ANKRD44: variants seen among roughly 807,000 people sequenced by gnomAD.
ANKRD44 encodes the protein ankyrin repeat domain 44, also known as serine/threonine-protein phosphatase 6 regulatory ankyrin repeat subunit B.
A neutral mutation model predicts 116.0 loss-of-function variants in ANKRD44; 35 were observed. The observed-to-expected ratio is 0.30, with a 90% CI of 0.23 to 0.40. The LOEUF is 0.40. Ranked by LOEUF, ANKRD44 falls within the 10% of genes least tolerant of loss-of-function variation. ANKRD44 has a pLI of 1.00. For missense variants in ANKRD44, 1,014 were observed against 1,242.6 expected (o/e 0.82, Z 2.77); for synonymous variants, 435 against 461.8 (o/e 0.94, Z 0.74).
chr2:197,223,442 G>GGA (rs2081629926), intron 1 of ANKRD44, among the ~76,000 whole-genome samples: 2 of 152,242 alleles, frequency 1.3e-5, no homozygotes. Context: ...ACATTATTAT[G>GGA]TTTTGGGGAT....
chr2:197,072,946 TA>T (rs559851202), intron 16 of ANKRD44, among the ~76,000 whole-genome samples: 93 of 152,328 alleles, frequency 6.1e-4, no homozygotes, highest in African/African-American at 2.1e-3. Context: ...GTTTAAAACA[TA>T]ACTTCATGTC....
intron 16 of ANKRD44, among the ~76,000 whole-genome samples, chr2:197,059,643 A>G (rs72924648): frequency 0.12 from 18,987 of 152,280 alleles, 1,420 homozygotes; most frequent in Non-Finnish European, 0.17. Context: ...ACACACATGT[A>G]TTCAGATATG....
At chr2:197,147,987 C>A (rs894572652) in intron 2 of ANKRD44, 6 of 377,918 alleles carry the variant, frequency 1.6e-5, no homozygotes, top group Non-Finnish European at 3.2e-5. Context: ...CAGCAGACTT[C>A]AGTCTGTATC....
At chr2:197,307,029 G>C (rs1206982676) in intron 1 of ANKRD44, among the ~76,000 whole-genome samples, 1 of 152,126 alleles carries the variant, frequency 6.6e-6, no homozygotes, top group Non-Finnish European at 1.5e-5. Context: ...TTCGGGTAGA[G>C]ATCCAGGCTG....
chr2:197,154,605 T>G (rs1239280443), intron 2 of ANKRD44, among the ~76,000 whole-genome samples: 2 of 152,222 alleles, frequency 1.3e-5, no homozygotes, highest in Non-Finnish European at 2.9e-5. Context: ...CTTTTCCTTG[T>G]GTGTGGAGTT....
chr2:197,044,322 T>C (rs1380242348), intron 16 of ANKRD44, among the ~76,000 whole-genome samples: 1 of 152,214 alleles, frequency 6.6e-6, no homozygotes, highest in Admixed American at 6.5e-5. Flanking sequence ...AACCATAATG[T>C]ATGCTTTCCT....
chr2:197,187,457 A>G (rs1196939232), intron 1 of ANKRD44, among the ~76,000 whole-genome samples: 2 of 152,186 alleles, frequency 1.3e-5, no homozygotes, highest in Non-Finnish European at 2.9e-5. Context: ...AATCCCTGTT[A>G]TGAATTGAAT....
At chr2:197,252,478 C>A (rs537956294) in intron 1 of ANKRD44, among the ~76,000 whole-genome samples, 309 of 152,240 alleles carry the variant, frequency 2.0e-3, no homozygotes, top group Non-Finnish European at 3.5e-3. Context: ...GCGATCTCGG[C>A]TCACTGCAAG....
At chr2:197,242,029 TG>T (rs2082101019) in intron 1 of ANKRD44, among the ~76,000 whole-genome samples, 1 of 152,152 alleles carries the variant, frequency 6.6e-6, no homozygotes, top group Non-Finnish European at 1.5e-5. Context: ...TATAAAAACT[TG>T]CTAGGGTGCA....
chr2:197,214,427 G>T (rs1235082484), intron 1 of ANKRD44, among the ~76,000 whole-genome samples: 2 of 152,080 alleles, frequency 1.3e-5, no homozygotes, highest in African/African-American at 4.8e-5. Flanking sequence ...CATGCAAAAA[G>T]AATTTTGTTG....
Position 197,258,779 on chromosome 2 carries a change from T to A in ANKRD44, c.27+51799A>T, listed in dbSNP as rs1296929288. On this transcript the variant is annotated intron_variant, in intron 1 of 27. Transcript: ENST00000282272. ...ATTTCTGGTTTTCAGATAGTCACACTGATGAGTATGAAGTGGTATCTCATT... is the reference window on the plus strand; with the variant it reads ...ATTTCTGGTTTTCAGATAGTCACACAGATGAGTATGAAGTGGTATCTCATT... Among the ~76,000 whole-genome samples, 3 of 152,240 alleles carry A rather than the reference T, an allele frequency of 2.0e-5. No individual in the cohort carries two copies. The East Asian group carries it at 5.8e-4, about 29-fold the overall frequency.
chr2:197,296,245 C>T (rs1325673012), intron 1 of ANKRD44: 1 of 152,070 alleles, frequency 6.6e-6, no homozygotes, highest in Non-Finnish European at 1.5e-5. Context: ...CTGCCTGTCA[C>T]CTACACTCAT....
chr2:197,255,778 G>A (rs1219946689), intron 1 of ANKRD44, among the ~76,000 whole-genome samples: 1 of 152,204 alleles, frequency 6.6e-6, no homozygotes, highest in Non-Finnish European at 1.5e-5. Flanking sequence ...GAGCCAGTAG[G>A]GCTGGAGCCC....
intron 2 of ANKRD44, among the ~76,000 whole-genome samples, chr2:197,168,965 C>T (rs1226333678): frequency 6.6e-6 from 1 of 152,198 alleles, no homozygotes; most frequent in East Asian, 1.9e-4. Context: ...GTAATTCACA[C>T]AACACCCAGA....
chr2:197,213,586 C>T (rs1559155244), intron 1 of ANKRD44, among the ~76,000 whole-genome samples: 1 of 152,220 alleles, frequency 6.6e-6, no homozygotes, highest in Non-Finnish European at 1.5e-5. Flanking sequence ...TCATTATACA[C>T]TTGAGCACTG....
intron 27 of ANKRD44, 78 bp downstream of exon 27, chr2:196,993,505 T>C: frequency 6.8e-6 from 8 of 1,173,144 alleles, no homozygotes; most frequent in Non-Finnish European, 9.9e-6. Flanking sequence ...TTATACTAGC[T>C]CCTATCTTTC....
At chr2:197,237,687 GAGC>G (rs1331981085) in intron 1 of ANKRD44, among the ~76,000 whole-genome samples, 12 of 152,178 alleles carry the variant, frequency 7.9e-5, no homozygotes, top group Admixed American at 7.8e-4. Flanking sequence ...ACATGTCCCA[GAGC>G]ATCACTCCCT....
intron 1 of ANKRD44, among the ~76,000 whole-genome samples, chr2:197,308,074 A>G (rs1226284244): frequency 6.6e-6 from 1 of 151,812 alleles, no homozygotes; most frequent in African/African-American, 2.4e-5. Context: ...GGGGAGGCTG[A>G]AGTGGGAGGA....
At chr2:197,138,604 A>T (rs1158520048) in intron 3 of ANKRD44, among the ~76,000 whole-genome samples, 1 of 152,038 alleles carries the variant, frequency 6.6e-6, no homozygotes, top group Non-Finnish European at 1.5e-5. Context: ...ATCTTCCAAC[A>T]CTCTGGATTC....
Sources: gnomAD v4.1 joint callset for allele counts (sites outside exome capture counted in the v4.1 genomes callset) on GRCh38, gnomAD v4.1.1 for gene constraint, MANE v1.5 for transcripts, NCBI Gene and HGNC (gene_info 2026-07-23, HGNC 2026-07-21) for gene names.